The following CRTAC1 variants were observed in gnomAD, a reference collection of about 807,000 sequenced individuals.
CRTAC1 encodes cartilage acidic protein 1.
A neutral mutation model predicts 67.8 loss-of-function variants in CRTAC1; 37 were observed. That is an observed-to-expected ratio of 0.55 (90% CI 0.42 to 0.72). The LOEUF is 0.72. Among genes scored for constraint, CRTAC1 ranks in the 30% least tolerant of loss-of-function variants. The probability of loss-of-function intolerance (pLI) is 0.00; values close to 1 mark genes in which losing one functional copy is unlikely to be tolerated. For synonymous variants in CRTAC1, 348 were observed against 371.0 expected, an observed-to-expected ratio of 0.94 and a Z score of 0.71; for missense variants, 780 against 931.6, an observed-to-expected ratio of 0.84 and a Z score of 2.12.
chr10:97,865,540 AC>A lies in CRTAC1; in HGVS notation c.*7del. Reference sequence around the variant, plus strand: ...GACTCCATCCGCTGGTTCATGTCCCACCCCTGCTCAGCAGCTGGGCTCGCAG... The same window carrying A: ...GACTCCATCCGCTGGTTCATGTCCCACCCTGCTCAGCAGCTGGGCTCGCAG... On this transcript the variant is annotated 3_prime_UTR_variant, in exon 15 of 15. Transcript: ENST00000370597. 3 of 1,601,424 alleles carry A rather than the reference AC, an allele frequency of 1.9e-6. No individual in the cohort carries two copies. Among genetic ancestry groups the A allele is most frequent in the Non-Finnish European group, 2.6e-6 (3 of 1,170,958 alleles).
intron 2 of CRTAC1, among the ~76,000 whole-genome samples, chr10:97,964,535 G>T (rs1386712681): frequency 1.3e-5 from 2 of 152,312 alleles, no homozygotes; most frequent in East Asian, 3.9e-4. Flanking sequence ...AGCCTTTCCA[G>T]ATGTGGCACC....
intron 14 of CRTAC1, among the ~76,000 whole-genome samples, chr10:97,873,342 A>T (rs1332554004): frequency 6.6e-6 from 1 of 152,182 alleles, no homozygotes; most frequent in East Asian, 1.9e-4. Flanking sequence ...CTGCAGTGGG[A>T]GGAGGCACTG....
At chr10:97,896,602 C>T (rs1348040260) in intron 9 of CRTAC1, among the ~76,000 whole-genome samples, 1 of 152,142 alleles carries the variant, frequency 6.6e-6, no homozygotes, top group Non-Finnish European at 1.5e-5. Flanking sequence ...CCTCTCCTTT[C>T]CATCCCCACC....
intron 2 of CRTAC1, among the ~76,000 whole-genome samples, chr10:98,005,100 A>ATATATATTTTTTTTTTT: frequency 2.3e-4 from 11 of 48,884 alleles, no homozygotes; most frequent in African/African-American, 6.9e-4. Flanking sequence ...ATATATATAT[A>ATATATATTTTTTTTTTT]TTTTTTTTTT....
chr10:97,896,031 C>T (rs747959458), intron 9 of CRTAC1, 46 bp from the exon 10 acceptor site: 3 of 1,552,976 alleles, frequency 1.9e-6, no homozygotes, highest in Non-Finnish European at 2.7e-6. Context: ...CCAGGAGACC[C>T]ACAAAGGAGA....
At chr10:98,009,759 T>G (rs1195979056) in intron 2 of CRTAC1, among the ~76,000 whole-genome samples, 1 of 152,178 alleles carries the variant, frequency 6.6e-6, no homozygotes, top group Non-Finnish European at 1.5e-5. Context: ...CCTGTAGTGT[T>G]TTTATTGATT....
At chr10:97,893,019 A>G (rs1353060737) in intron 11 of CRTAC1, among the ~76,000 whole-genome samples, 1 of 152,258 alleles carries the variant, frequency 6.6e-6, no homozygotes, top group Non-Finnish European at 1.5e-5. Flanking sequence ...TTTGAATCCC[A>G]GTGCTGCCAT....
chr10:97,912,232 G>T (rs2050696479), intron 5 of CRTAC1, among the ~76,000 whole-genome samples: 1 of 152,190 alleles, frequency 6.6e-6, no homozygotes, highest in Non-Finnish European at 1.5e-5. Context: ...CACCTGCTGG[G>T]TGAATAATAT....
At chr10:97,954,030 T>C (rs1197025040) in intron 2 of CRTAC1, among the ~76,000 whole-genome samples, 4 of 152,140 alleles carry the variant, frequency 2.6e-5, no homozygotes, top group Admixed American at 6.5e-5. Context: ...TCGAGACGTC[T>C]CTACAGCTGG....
At chr10:97,985,094 T>A (rs2051958359) in intron 2 of CRTAC1, among the ~76,000 whole-genome samples, 1 of 151,944 alleles carries the variant, frequency 6.6e-6, no homozygotes, top group Non-Finnish European at 1.5e-5. Flanking sequence ...TTGTGTAGAG[T>A]AAAGGGCAGT....
At chr10:97,930,444 G>A (rs1023038777) in intron 3 of CRTAC1, among the ~76,000 whole-genome samples, 1 of 152,240 alleles carries the variant, frequency 6.6e-6, no homozygotes, top group African/African-American at 2.4e-5. Context: ...TAGGAAAAGA[G>A]GGTGGAGCCA....
intron 1 of CRTAC1, among the ~76,000 whole-genome samples, chr10:98,022,239 C>T (rs1843139613): frequency 6.6e-6 from 1 of 151,934 alleles, no homozygotes; most frequent in African/African-American, 2.4e-5. Context: ...CCTGTAATCC[C>T]AGCTACTTGG....
intron 3 of CRTAC1, among the ~76,000 whole-genome samples, chr10:97,932,590 C>T (rs2051018960): frequency 6.6e-6 from 1 of 152,056 alleles, no homozygotes; most frequent in South Asian, 2.1e-4. Flanking sequence ...GAGGAGGGGC[C>T]TGAATGAAGG....
At chr10:97,874,881 C>A (rs1029130045) in intron 14 of CRTAC1, among the ~76,000 whole-genome samples, 1 of 152,172 alleles carries the variant, frequency 6.6e-6, no homozygotes, top group Non-Finnish European at 1.5e-5. Context: ...TGATGTTACT[C>A]TTCTCCAGCC....
intron 14 of CRTAC1, among the ~76,000 whole-genome samples, chr10:97,871,889 T>C (rs1427474989): frequency 6.6e-6 from 1 of 152,160 alleles, no homozygotes; most frequent in African/African-American, 2.4e-5. Context: ...GTACTAGTTA[T>C]TTTGGAGTAA....
intron 2 of CRTAC1, among the ~76,000 whole-genome samples, chr10:97,947,688 T>C (rs2051286028): frequency 6.6e-6 from 1 of 152,212 alleles, no homozygotes; most frequent in Admixed American, 6.5e-5. Context: ...TTGGGGGAAC[T>C]TAAAGACAGA....
intron 2 of CRTAC1, among the ~76,000 whole-genome samples, chr10:97,968,384 A>C (rs2051653172): frequency 2.0e-5 from 3 of 152,174 alleles, no homozygotes; most frequent in Non-Finnish European, 4.4e-5. Context: ...CTGGGATTTC[A>C]GGCACGTGCC....
intron 3 of CRTAC1, among the ~76,000 whole-genome samples, chr10:97,925,688 G>C (rs1029543373): frequency 7.2e-6 from 1 of 139,232 alleles, no homozygotes; most frequent in Admixed American, 7.0e-5. Flanking sequence ...GGGTGGGTGA[G>C]AGTGAGTGTG....
intron 2 of CRTAC1, among the ~76,000 whole-genome samples, chr10:97,982,436 G>C (rs997527905): frequency 6.6e-6 from 1 of 152,222 alleles, no homozygotes; most frequent in Non-Finnish European, 1.5e-5. Flanking sequence ...TGCTGACTCT[G>C]AGGGAGAAGT....
Sources: allele counts gnomAD v4.1 joint callset (sites outside exome capture counted in the v4.1 genomes callset), GRCh38; gene constraint gnomAD v4.1.1; transcripts MANE v1.5; gene names NCBI Gene and HGNC (gene_info 2026-07-23, HGNC 2026-07-21).